Variants in CYP11A1 observed in about 807,000 individuals in gnomAD.
CYP11A1 encodes cholesterol side-chain cleavage enzyme, mitochondrial.
CYP11A1 carries 25 observed loss-of-function variants against 51.9 expected under a neutral mutation model. The ratio of observed to expected loss-of-function variants is 0.48; its 90% confidence interval spans 0.35 to 0.67. The LOEUF (loss-of-function observed/expected upper bound fraction) is 0.67. Among genes scored for constraint, CYP11A1 ranks in the 30% least tolerant of loss-of-function variants. The pLI, the probability that CYP11A1 is intolerant of heterozygous loss-of-function variation, is 0.00. For synonymous variants in CYP11A1, 245 were observed against 262.1 expected, an observed-to-expected ratio of 0.93 and a Z score of 0.63; for missense variants, 578 against 680.9, an observed-to-expected ratio of 0.85 and a Z score of 1.68.
chr15:74,355,147 G>C (rs915567302), intron 1 of CYP11A1, among the ~76,000 whole-genome samples: 1 of 5,198 alleles, frequency 1.9e-4, no homozygotes, highest in Non-Finnish European at 3.3e-4. Context: ...CTTCACTATG[G>C]GCAAACTTCC....
chr15:74,353,519 C>A (rs1273184300), intron 1 of CYP11A1, among the ~76,000 whole-genome samples: 1 of 152,094 alleles, frequency 6.6e-6, no homozygotes, highest in Non-Finnish European at 1.5e-5. Flanking sequence ...TGCTGGAGTA[C>A]TTATTGGTCA....
chr15:74,348,266 A>T (rs969939538), intron 1 of CYP11A1: 1 of 594,310 alleles, frequency 1.7e-6, no homozygotes, highest in Non-Finnish European at 3.0e-6. Flanking sequence ...GACAATAGGA[A>T]GTATATGGAT....
At chr15:74,351,614 C>T (rs2060656949) in intron 1 of CYP11A1, among the ~76,000 whole-genome samples, 1 of 152,204 alleles carries the variant, frequency 6.6e-6, no homozygotes, top group South Asian at 2.1e-4. Context: ...GGAGGATGCT[C>T]TGTGGGTCCT....
chr15:74,355,388 C>T (rs2141242159), intron 1 of CYP11A1, among the ~76,000 whole-genome samples: 1 of 152,296 alleles, frequency 6.6e-6, no homozygotes, highest in South Asian at 2.1e-4. Context: ...GTCTGAGGTA[C>T]CTGACACCCA....
chr15:74,367,241 A>T (rs1006760175), intron 1 of CYP11A1, 76 bp downstream of exon 1: 1 of 1,504,546 alleles, frequency 6.6e-7, no homozygotes, highest in Non-Finnish European at 9.2e-7. Flanking sequence ...CTGTTGGGGG[A>T]GTGGGGACTA....
intron 1 of CYP11A1, among the ~76,000 whole-genome samples, chr15:74,360,591 C>T (rs2060703865): frequency 6.7e-6 from 1 of 149,690 alleles, no homozygotes. Context: ...GCCTAACTTA[C>T]CAGGTTTTAT....
intron 1 of CYP11A1, chr15:74,366,925 A>G (rs1457233509): frequency 4.5e-6 from 1 of 223,258 alleles, no homozygotes; most frequent in Non-Finnish European, 9.0e-6. Context: ...CATGTTGGCC[A>G]GGATGGTCTC....
intron 1 of CYP11A1, among the ~76,000 whole-genome samples, chr15:74,358,962 A>G (rs943399284): frequency 4.6e-5 from 7 of 152,226 alleles, no homozygotes; most frequent in African/African-American, 1.4e-4. Flanking sequence ...TCTGTCAAGA[A>G]TAGAGCCCAA....
chr15:74,343,474 C>T (rs1001918310), intron 4 of CYP11A1, among the ~76,000 whole-genome samples: 27 of 152,200 alleles, frequency 1.8e-4, no homozygotes, highest in African/African-American at 6.3e-4. Context: ...CCCATCTCTC[C>T]CACCCAAGTC....
In CYP11A1 at chr15:74,345,230, A is replaced by C. The variant is rs774650073; in HGVS notation, c.439T>G (p.Trp147Gly). The stretch of plus-strand genomic sequence containing the variant: ...TTCAGGGCCACCCGGTCTTTCTTCC[A>C]GGCTGCCGACTTCCTGAGAAAACAT... ...IGVLLKKSAA[W>G]KKDRVALNQE... The change falls in exon 3 of 9, where the codon TGG (tryptophan) becomes GGG (glycine). Residue 147 changes from tryptophan to glycine, a missense_variant. Transcript: ENST00000268053. This position sits in a 1 kb window ranked among gnomAD's most constrained non-coding sequence, Gnocchi z 4.3. The C allele has an allele frequency of 6.2e-7, 1 of 1,614,164 alleles. No individual in the cohort carries two copies. Among genetic ancestry groups the C allele is most frequent in the Non-Finnish European group, 8.5e-7 (1 of 1,180,030 alleles).
intron 6 of CYP11A1, 122 bp from the exon 7 acceptor site, chr15:74,339,437 G>T: frequency 7.2e-7 from 1 of 1,381,140 alleles, no homozygotes; most frequent in Non-Finnish European, 1.0e-6. Flanking sequence ...TGGGGGTAGG[G>T]CCCTGGCTCT....
Position 74,343,011 on chromosome 15 carries a change from T to C in CYP11A1, c.956A>G (p.Asn319Ser), listed in dbSNP as rs2060614174. The C allele has an allele frequency of 5.6e-6, 9 of 1,612,774 alleles. No individual in the cohort carries two copies. The highest frequency in any genetic ancestry group is 7.6e-6 in the Non-Finnish European group (9 of 1,180,012). The change falls in exon 5 of 9, where the codon AAC becomes AGC. Residue 319 changes from asparagine (N) to serine (S), a missense_variant. Coordinates refer to ENST00000268053, the MANE Select transcript of CYP11A1 (RefSeq NM_000781.3). ...CCCTCCTGCCAGCATCTCTGTGACG[T>C]TGGCCTTGATGTCCTCGAAGGACAT... is the stretch of plus-strand genomic sequence containing the variant. The part of the protein sequence containing the change: ...SKMSFEDIKA[N>S]VTEMLAGGVD...
At chr15:74,356,220 G>T (rs1036391897) in intron 1 of CYP11A1, 1 of 152,266 alleles carries the variant, frequency 6.6e-6, no homozygotes, top group African/African-American at 2.4e-5. Flanking sequence ...TGGAAATCTG[G>T]CCACTGGGCC....
chr15:74,339,362 A>G, intron 6 of CYP11A1, 47 bp from the exon 7 acceptor site: 1 of 1,579,816 alleles, frequency 6.3e-7, no homozygotes, highest in Non-Finnish European at 8.7e-7. Context: ...AAGGCTGGAC[A>G]CAGCCGCCGG....
At chr15:74,338,850 C>A (rs2060592270) in intron 7 of CYP11A1, 82 bp from the exon 8 acceptor site, 3 of 1,273,172 alleles carry the variant, frequency 2.4e-6, no homozygotes, top group African/African-American at 2.9e-5. Flanking sequence ...TAGTCCCCTG[C>A]CCTCTCACCA....
intron 8 of CYP11A1, 187 bp downstream of exon 8, chr15:74,338,384 G>A: frequency 1.4e-6 from 1 of 737,148 alleles, no homozygotes; most frequent in East Asian, 2.7e-5. Flanking sequence ...AGTGGGTGAT[G>A]AGTGGTTGAG....
At chr15:74,365,602 G>C (rs1778074782) in intron 1 of CYP11A1, 8 of 861,328 alleles carry the variant, frequency 9.3e-6, no homozygotes, top group Non-Finnish European at 1.1e-5. Context: ...ATCTGGGGAA[G>C]GTTGAGGCCT....
In CYP11A1 at chr15:74,345,116, G is replaced by A. The variant is rs764446555; in HGVS notation, c.553C>T (p.Arg185Cys). Reference protein sequence around the residue: ...SRDFVSVLHRRIKKAGSGNYS... With the variant: ...SRDFVSVLHRCIKKAGSGNYS... ...TTTCCGGAGCCCGCCTTCTTGATGC[G>A]CCTGTGCAGGACACTGACGAAGTCC... Residue 185 changes from arginine (R) to cysteine (C), a missense_variant, in exon 3 of 9, where the codon CGC becomes TGC. Transcript: ENST00000268053. The surrounding 1 kb of genome is among the most constrained non-coding windows in gnomAD (Gnocchi z 4.3). 57 of 1,614,076 alleles carry A rather than the reference G, an allele frequency of 3.5e-5. 1 individual carries two copies. Among genetic ancestry groups the A allele is most frequent in the East Asian group, 2.5e-4 (11 of 44,882 alleles).
chr15:74,360,871 C>T (rs1185388309), intron 1 of CYP11A1, among the ~76,000 whole-genome samples: 2 of 152,114 alleles, frequency 1.3e-5, no homozygotes, highest in Non-Finnish European at 2.9e-5. Context: ...CCATTGCACT[C>T]CAGCCTGGGC....
Sources: allele counts gnomAD v4.1 joint callset (sites outside exome capture counted in the v4.1 genomes callset), GRCh38; gene constraint gnomAD v4.1.1; non-coding constraint Gnocchi (gnomAD v3.1); transcripts MANE v1.5; gene names NCBI Gene and HGNC (gene_info 2026-07-23, HGNC 2026-07-21).